The following TMEM132E variants were observed in gnomAD, a reference collection of about 807,000 sequenced individuals.
TMEM132E encodes transmembrane protein 132E.
Under a neutral mutation model 78.5 loss-of-function variants are expected in TMEM132E, and 49 were observed. The observed-to-expected ratio is 0.62, with a 90% CI of 0.50 to 0.79. The LOEUF (loss-of-function observed/expected upper bound fraction) is 0.79. Among genes scored for constraint, TMEM132E ranks in the 30% least tolerant of loss-of-function variants. TMEM132E has a pLI of 0.00. For missense variants in TMEM132E, 1,403 were observed against 1,470.9 expected, an observed-to-expected ratio of 0.95 and a Z score of 0.75; for synonymous variants, 715 against 670.6, an observed-to-expected ratio of 1.07 and a Z score of -1.02.
intron 1 of TMEM132E, among the ~76,000 whole-genome samples, 164 bp from the exon 2 acceptor site, chr17:34,625,963 C>T (rs1311948064): frequency 2.0e-5 from 3 of 152,172 alleles, no homozygotes; most frequent in Non-Finnish European, 4.4e-5. Context: ...CAGGCCTGAG[C>T]CAGGGTTGGG....
intron 1 of TMEM132E, among the ~76,000 whole-genome samples, chr17:34,582,312 G>T (rs1905519713): frequency 6.6e-6 from 1 of 152,120 alleles, no homozygotes; most frequent in South Asian, 2.1e-4. Context: ...GTCCCTAAGA[G>T]CCTGCTCAAG....
Position 34,617,142 on chromosome 17 carries a change from C to T in TMEM132E, c.68-8985C>T, listed in dbSNP as rs112106857. 6.2e-3 allele frequency among the ~76,000 whole-genome samples: 948 copies of T among 152,334 alleles called. 8 individuals are homozygous for T. The highest frequency in any genetic ancestry group is 0.021 in the African/African-American group (889 of 41,576). On this transcript the variant is annotated intron_variant, in intron 1 of 8. Transcript: ENST00000631683. ...GTCCAGAACTCCCTGCAGACATAAC[C>T]GCTACCTACTTCTAGGTCACTCATG...
Position 34,599,371 on chromosome 17 carries a change from C to T in TMEM132E, c.67+18228C>T, listed in dbSNP as rs59753308. ...TAAGCGCAGTTGCACCATCATGGGG[C>T]GCATCCAGCCCTCACCTTCAGGGCT... On this transcript the variant is annotated intron_variant, in intron 1 of 8. Transcript: ENST00000631683. 0.014 allele frequency among the ~76,000 whole-genome samples: 2,167 copies of T among 152,284 alleles called. 97 individuals are homozygous for T. The East Asian group carries it at 0.17, about 12-fold the overall frequency.
chr17:34,585,159 G>C (rs947242140), intron 1 of TMEM132E, among the ~76,000 whole-genome samples: 2 of 152,216 alleles, frequency 1.3e-5, no homozygotes, highest in Non-Finnish European at 2.9e-5. Context: ...TAATGTTTAA[G>C]ACCAGTAGGT....
At chr17:34,603,268 G>A (rs1906298516) in intron 1 of TMEM132E, among the ~76,000 whole-genome samples, 1 of 152,096 alleles carries the variant, frequency 6.6e-6, no homozygotes, top group Admixed American at 6.5e-5. Context: ...CCACTGCAAT[G>A]TTAGGGCCTC....
Position 34,634,823 on chromosome 17 carries a change from G to A in TMEM132E, c.1713G>A (p.Glu571=), listed in dbSNP as rs1567722089. The A allele has an allele frequency of 6.2e-7, 1 of 1,613,952 alleles. No individual in the cohort carries two copies. The highest frequency in any genetic ancestry group is 1.7e-5 in the Admixed American group (1 of 59,992). The change falls in exon 7 of 9, where the codon GAG becomes GAA. Residue 571 remains glutamate (E), a synonymous_variant. Coordinates refer to ENST00000631683, the MANE Select transcript of TMEM132E (RefSeq NM_001304438.2). ...GGTCAGTCCGGGAAAGCGAGGATGAGGATGAGGAGGAGGAGGAGCGGCGGC... is the reference window on the plus strand; with the variant it reads ...GGTCAGTCCGGGAAAGCGAGGATGAAGATGAGGAGGAGGAGGAGCGGCGGC... ...DRRSVRESED[E]DEEEEERRQS...
intron 1 of TMEM132E, among the ~76,000 whole-genome samples, chr17:34,609,253 C>T (rs1355443588): frequency 1.3e-5 from 2 of 152,036 alleles, no homozygotes; most frequent in African/African-American, 4.8e-5. Flanking sequence ...GAACCTTCCT[C>T]GCAGAGCTTG....
intron 1 of TMEM132E, among the ~76,000 whole-genome samples, chr17:34,613,377 G>A (rs1307345940): frequency 1.0e-4 from 8 of 79,432 alleles, no homozygotes; most frequent in African/African-American, 3.8e-4. Context: ...CCCCTCCCCC[G>A]CACTCCCCTC....
In TMEM132E at chr17:34,580,848, C is replaced by A. The variant is rs1314299003; in HGVS notation, c.-229C>A. The A allele has an allele frequency of 1.3e-5, 6 of 457,716 alleles. No individual in the cohort carries two copies. The highest frequency in any genetic ancestry group is 2.3e-5 in the Non-Finnish European group (6 of 258,694). 28.4% of individuals were successfully genotyped at this position (457,716 alleles called of 1,614,324 possible). A position where few individuals can be genotyped will look rare whatever the true frequency, so the allele number is the denominator to read the frequency against. Reference sequence around the variant, plus strand: ...GGGCACCAGCTGGGGGAGGTGGAGGCTCCTCCCGCCCGGAGCTGCGCCCCC... The same window carrying A: ...GGGCACCAGCTGGGGGAGGTGGAGGATCCTCCCGCCCGGAGCTGCGCCCCC... On this transcript the variant is annotated 5_prime_UTR_variant, in exon 1 of 9. Coordinates refer to ENST00000631683, the MANE Select transcript of TMEM132E (RefSeq NM_001304438.2).
chr17:34,588,665 G>C (rs1905759944), intron 1 of TMEM132E, among the ~76,000 whole-genome samples: 1 of 152,066 alleles, frequency 6.6e-6, no homozygotes, highest in Admixed American at 6.6e-5. Flanking sequence ...TTGTGGGTGG[G>C]GAAGGCAGAC....
At chr17:34,611,263 G>A (rs1477423029) in intron 1 of TMEM132E, among the ~76,000 whole-genome samples, 1 of 152,206 alleles carries the variant, frequency 6.6e-6, no homozygotes, top group Non-Finnish European at 1.5e-5. Context: ...AGAGCAGGCA[G>A]GGGTGGGACA....
intron 1 of TMEM132E, among the ~76,000 whole-genome samples, chr17:34,584,149 C>T (rs4795942): frequency 0.71 from 108,426 of 152,160 alleles, 38,985 homozygotes; most frequent in Non-Finnish European, 0.76. Flanking sequence ...CCCTGGCATC[C>T]AAAGCCATTT....
intron 1 of TMEM132E, among the ~76,000 whole-genome samples, chr17:34,605,723 G>A (rs1201132173): frequency 1.3e-5 from 2 of 152,168 alleles, no homozygotes; most frequent in Non-Finnish European, 2.9e-5. Context: ...TTTATTTCTC[G>A]TGAGTCGACC....
intron 5 of TMEM132E, 100 bp downstream of exon 5, chr17:34,630,251 T>C: frequency 7.5e-7 from 1 of 1,329,636 alleles, no homozygotes. Context: ...TTACTCATCC[T>C]CTAACACTGA....
At chr17:34,600,054 G>A (rs1247472748) in intron 1 of TMEM132E, among the ~76,000 whole-genome samples, 1 of 152,232 alleles carries the variant, frequency 6.6e-6, no homozygotes, top group Non-Finnish European at 1.5e-5. Context: ...AAGTGTGGAA[G>A]ATAGGTATGT....
chr17:34,619,024 C>A (rs983034308), intron 1 of TMEM132E, among the ~76,000 whole-genome samples: 1 of 152,160 alleles, frequency 6.6e-6, no homozygotes, highest in African/African-American at 2.4e-5. Flanking sequence ...TTCCCCAGGG[C>A]CAGTCCGTCC....
At chr17:34,608,519 A>G (rs1906490537) in intron 1 of TMEM132E, among the ~76,000 whole-genome samples, 1 of 152,216 alleles carries the variant, frequency 6.6e-6, no homozygotes, top group Non-Finnish European at 1.5e-5. Context: ...ATTATTGTTC[A>G]TTATGCAACC....
intron 6 of TMEM132E, among the ~76,000 whole-genome samples, chr17:34,634,237 G>A (rs1907444058): frequency 6.6e-6 from 1 of 152,142 alleles, no homozygotes; most frequent in East Asian, 1.9e-4. Context: ...ATCAAGTCCA[G>A]GTTCCCTTTT....
chr17:34,614,614 C>T (rs1906717410), intron 1 of TMEM132E: 1 of 152,288 alleles, frequency 6.6e-6, no homozygotes, highest in African/African-American at 2.4e-5. Context: ...AGAGCAGGTA[C>T]CACAGAGGGC....
Sources: gnomAD v4.1 joint callset for allele counts (sites outside exome capture counted in the v4.1 genomes callset) on GRCh38, gnomAD v4.1.1 for gene constraint, MANE v1.5 for transcripts, NCBI Gene and HGNC (gene_info 2026-07-23, HGNC 2026-07-21) for gene names.